The following ARSJ variants were observed in gnomAD, a reference collection of about 807,000 sequenced individuals.
ARSJ encodes the protein arylsulfatase family member J.
Under a neutral mutation model 35.9 loss-of-function variants are expected in ARSJ, and 26 were observed. That is an observed-to-expected ratio of 0.72 (90% CI 0.53 to 1.00). The LOEUF (loss-of-function observed/expected upper bound fraction) is 1.00. Among genes scored for constraint, ARSJ ranks in the 50% least tolerant of loss-of-function variants. The pLI, the probability that ARSJ is intolerant of heterozygous loss-of-function variation, is 0.00. For missense variants in ARSJ, 667 were observed against 723.6 expected, an observed-to-expected ratio of 0.92 and a Z score of 0.90; for synonymous variants, 294 against 267.6, an observed-to-expected ratio of 1.10 and a Z score of -0.96.
At chr4:113,942,354 C>T (rs1428763705) in intron 1 of ARSJ, among the ~76,000 whole-genome samples, 1 of 151,970 alleles carries the variant, frequency 6.6e-6, no homozygotes, top group African/African-American at 2.4e-5. Context: ...CTAAATAAAA[C>T]CAGTTAACCT....
chr4:113,969,438 A>G (rs540864657), intron 1 of ARSJ, among the ~76,000 whole-genome samples: 1 of 152,302 alleles, frequency 6.6e-6, no homozygotes, highest in South Asian at 2.1e-4. Context: ...AAAAGAATAA[A>G]AGCCACTTCT....
chr4:113,941,049 G>T (rs1725126785), intron 1 of ARSJ, among the ~76,000 whole-genome samples: 1 of 151,918 alleles, frequency 6.6e-6, no homozygotes, highest in Admixed American at 6.6e-5. Flanking sequence ...AGAGCAAATA[G>T]ATCTTTCTAT....
intron 1 of ARSJ, among the ~76,000 whole-genome samples, chr4:113,920,569 T>G (rs1374330648): frequency 6.6e-6 from 1 of 152,178 alleles, no homozygotes; most frequent in Non-Finnish European, 1.5e-5. Context: ...CAATGACTTT[T>G]TTTAGCCACT....
Position 113,901,879 on chromosome 4 carries a change from GC to G in ARSJ, c.*394del. 1 of 38,734 alleles carries G rather than the reference GC, an allele frequency of 2.6e-5. No individual in the cohort carries two copies. The allele number at this position is 38,734 out of a possible 1,614,324, so 2.4% of individuals were successfully genotyped here. ...CTACCCTGTAACTTCCATCAAATTA[GC>G]ATGCTTGCGGATGGTATACCCTGTA... On this transcript the variant is annotated 3_prime_UTR_variant, in exon 2 of 2. Coordinates refer to ENST00000315366, the MANE Select transcript of ARSJ (RefSeq NM_024590.4).
At chr4:113,906,836 A>G in intron 1 of ARSJ, 1 of 418,156 alleles carries the variant, frequency 2.4e-6, no homozygotes, top group South Asian at 1.7e-5. Context: ...ATTCAGCGAT[A>G]GCTTTAACAA....
intron 1 of ARSJ, among the ~76,000 whole-genome samples, chr4:113,906,111 C>T (rs2099668674): frequency 6.6e-6 from 1 of 152,072 alleles, no homozygotes; most frequent in Non-Finnish European, 1.5e-5. Flanking sequence ...AGTAAATACC[C>T]ATTAATGGAA....
At chr4:113,912,738 TG>T (rs35922066) in intron 1 of ARSJ, among the ~76,000 whole-genome samples, 1 of 10,818 alleles carries the variant, frequency 9.2e-5, no homozygotes. Context: ...AATGAGAATG[TG>T]TGTGTGTGTG....
chr4:113,952,146 C>T (rs866883069), intron 1 of ARSJ, among the ~76,000 whole-genome samples: 1 of 152,016 alleles, frequency 6.6e-6, no homozygotes, highest in African/African-American at 2.4e-5. Context: ...CATAGTGTAC[C>T]GCAGCCTTAA....
chr4:113,956,511 G>C (rs1341889549), intron 1 of ARSJ, among the ~76,000 whole-genome samples: 2 of 152,102 alleles, frequency 1.3e-5, no homozygotes, highest in Non-Finnish European at 2.9e-5. Context: ...TTAAATTTTA[G>C]AAGACAAAGC....
At position 113,902,564 on chromosome 4, in the gene ARSJ, C is replaced by T. The variant is rs758839665; in HGVS notation, c.1510G>A (p.Glu504Lys). The change falls in exon 2 of 2, where the codon GAG becomes AAG. Residue 504 changes from glutamate (E) to lysine (K), a missense_variant. Coordinates refer to ENST00000315366, the MANE Select transcript of ARSJ (RefSeq NM_024590.4). ...WLFNITADPY[E>K]RVDLSNRYPG... ...TACCTGTTAGATAGGTCCACCCTCT[C>T]ATATGGGTCGGCTGTGATGTTGAAA... 8 of 1,614,060 alleles carry T rather than the reference C, an allele frequency of 5.0e-6. No homozygotes were observed. In the African/African-American group the frequency reaches 9.3e-5, roughly 19 times the overall value.
chr4:113,937,498 C>A (rs1724838072), intron 1 of ARSJ, among the ~76,000 whole-genome samples: 1 of 152,036 alleles, frequency 6.6e-6, no homozygotes, highest in Non-Finnish European at 1.5e-5. Context: ...GATGCCCTTT[C>A]TCACCACTCC....
chr4:113,934,856 G>A (rs530498013), intron 1 of ARSJ, among the ~76,000 whole-genome samples: 73 of 151,862 alleles, frequency 4.8e-4, no homozygotes, highest in African/African-American at 1.7e-3. Flanking sequence ...TTAAAATCGT[G>A]TATTCTAAAC....
chr4:113,968,889 A>G (rs1727059552), intron 1 of ARSJ, among the ~76,000 whole-genome samples: 1 of 152,228 alleles, frequency 6.6e-6, no homozygotes, highest in African/African-American at 2.4e-5. Flanking sequence ...AGGTTATTGA[A>G]ATAGTGATAA....
At chr4:113,956,339 C>T (rs1257515083) in intron 1 of ARSJ, among the ~76,000 whole-genome samples, 1 of 152,006 alleles carries the variant, frequency 6.6e-6, no homozygotes, top group Non-Finnish European at 1.5e-5. Flanking sequence ...AATTGTTAAT[C>T]ACTTAACAGG....
intron 1 of ARSJ, among the ~76,000 whole-genome samples, chr4:113,928,994 C>G (rs1724256018): frequency 6.6e-6 from 1 of 152,074 alleles, no homozygotes; most frequent in African/African-American, 2.4e-5. Flanking sequence ...TTTAGCTAAC[C>G]AAGCAAATCA....
At chr4:113,957,143 C>T (rs1050376968) in intron 1 of ARSJ, among the ~76,000 whole-genome samples, 1 of 151,932 alleles carries the variant, frequency 6.6e-6, no homozygotes, top group Non-Finnish European at 1.5e-5. Flanking sequence ...CAAGCAAGGG[C>T]AGGTTTGGGG....
At chr4:113,934,234 A>G (rs534582007) in intron 1 of ARSJ, among the ~76,000 whole-genome samples, 1 of 151,916 alleles carries the variant, frequency 6.6e-6, no homozygotes, top group Admixed American at 6.6e-5. Flanking sequence ...ACCATGTAAT[A>G]CAGCAAATTC....
intron 1 of ARSJ, among the ~76,000 whole-genome samples, chr4:113,907,144 G>A (rs951070189): frequency 3.9e-5 from 6 of 152,214 alleles, no homozygotes; most frequent in Non-Finnish European, 7.3e-5. Flanking sequence ...TCAAGGAGCA[G>A]AGGAAAGATG....
chr4:113,959,258 G>A (rs1288646983), intron 1 of ARSJ, among the ~76,000 whole-genome samples: 2 of 151,914 alleles, frequency 1.3e-5, no homozygotes, highest in Non-Finnish European at 2.9e-5. Context: ...TTTACCCTCA[G>A]TTCAGTGTTC....
Sources: allele counts gnomAD v4.1 joint callset (sites outside exome capture counted in the v4.1 genomes callset), GRCh38; gene constraint gnomAD v4.1.1; transcripts MANE v1.5; gene names NCBI Gene and HGNC (gene_info 2026-07-23, HGNC 2026-07-21).